LARGE1: variants seen among roughly 807,000 people sequenced by gnomAD.
LARGE1 encodes the protein xylosyl- and glucuronyltransferase LARGE1.
In LARGE1, 43 loss-of-function variants were observed where a neutral mutation model predicts 87.6. The observed-to-expected ratio is 0.49, with a 90% CI of 0.38 to 0.63. LARGE1 has a LOEUF of 0.63. LARGE1 is among the 30% of genes least tolerant of loss of function. LARGE1 has a pLI of 0.00. For missense variants in LARGE1, 802 were observed against 1,000.2 expected (o/e 0.80, Z 2.67); for synonymous variants, 434 against 394.6 (o/e 1.10, Z -1.18).
intron 6 of LARGE1, among the ~76,000 whole-genome samples, chr22:33,489,884 A>G (rs1433634971): frequency 6.6e-6 from 1 of 152,212 alleles, no homozygotes; most frequent in Non-Finnish European, 1.5e-5. Context: ...TGCTAAGTGG[A>G]CATGAACAAG....
intron 1 of LARGE1, among the ~76,000 whole-genome samples, chr22:33,839,617 A>G (rs1025750258): frequency 6.6e-6 from 1 of 152,228 alleles, no homozygotes; most frequent in Non-Finnish European, 1.5e-5. Context: ...TATAGATCAC[A>G]AAAACAGAAC....
chr22:33,871,481 T>C (rs2064278969), intron 1 of LARGE1, among the ~76,000 whole-genome samples: 2 of 152,134 alleles, frequency 1.3e-5, no homozygotes, highest in Admixed American at 6.5e-5. Context: ...TCCAGGTAAG[T>C]ACCAGGACTA....
At chr22:33,243,054 C>G (rs1926593070) in intron 11 of LARGE1, among the ~76,000 whole-genome samples, 1 of 152,162 alleles carries the variant, frequency 6.6e-6, no homozygotes, top group Non-Finnish European at 1.5e-5. Flanking sequence ...CTCATCTAAA[C>G]TCATCTAATT....
intron 6 of LARGE1, among the ~76,000 whole-genome samples, chr22:33,507,189 T>G (rs552822322): frequency 1.3e-5 from 2 of 152,244 alleles, no homozygotes; most frequent in South Asian, 4.1e-4. Flanking sequence ...ATCCCAGGCA[T>G]AGGGACCAGC....
chr22:33,123,661 A>G, the LARGE1 span, among the ~76,000 whole-genome samples: 1 of 152,256 alleles, frequency 6.6e-6, no homozygotes, highest in African/African-American at 2.4e-5. Flanking sequence ...GAGCAATGAA[A>G]GCATCTTAGT....
At chr22:33,451,967 G>C (rs1343250978) in intron 6 of LARGE1, among the ~76,000 whole-genome samples, 1 of 152,140 alleles carries the variant, frequency 6.6e-6, no homozygotes, top group Non-Finnish European at 1.5e-5. Flanking sequence ...TGAGACTAAT[G>C]GTCTCCAATT....
intron 6 of LARGE1, among the ~76,000 whole-genome samples, chr22:33,550,022 G>T (rs1381748190): frequency 2.0e-5 from 3 of 152,016 alleles, no homozygotes; most frequent in Non-Finnish European, 1.5e-5. Flanking sequence ...GGGAGGGTTA[G>T]CATTAGGAGA....
intron 11 of LARGE1, among the ~76,000 whole-genome samples, chr22:33,224,771 G>A (rs1473492662): frequency 2.0e-5 from 3 of 152,200 alleles, no homozygotes; most frequent in Admixed American, 1.3e-4. Context: ...ACAAAAAGAT[G>A]CTGGTGTCTA....
intron 7 of LARGE1, among the ~76,000 whole-genome samples, chr22:33,413,873 C>A (rs2066396892): frequency 6.6e-6 from 1 of 152,154 alleles, no homozygotes; most frequent in Non-Finnish European, 1.5e-5. Flanking sequence ...GGCAAGATTT[C>A]CTTCTTTTTA....
chr22:33,862,096 A>G (rs1408352213), intron 1 of LARGE1, among the ~76,000 whole-genome samples: 1 of 151,870 alleles, frequency 6.6e-6, no homozygotes, highest in East Asian at 1.9e-4. Context: ...CCTGACCTCA[A>G]ATGATCCACC....
At chr22:33,501,234 T>C (rs1014349951) in intron 6 of LARGE1, among the ~76,000 whole-genome samples, 1 of 152,186 alleles carries the variant, frequency 6.6e-6, no homozygotes, top group Non-Finnish European at 1.5e-5. Context: ...CTTGTCACCA[T>C]CTGTAAAAGT....
rs143987312 is a variant in LARGE1 at position 33,716,752 on chromosome 22, A to G, written c.106+44619T>C. Reference sequence around the variant, plus strand: ...TTATGTGTCACTTGCTGTAAATACAAGACATGGAGCCAGAGTGTGTTAGTA... The same window carrying G: ...TTATGTGTCACTTGCTGTAAATACAGGACATGGAGCCAGAGTGTGTTAGTA... On this transcript the variant is annotated intron_variant, in intron 2 of 14. Transcript: ENST00000397394. Among the ~76,000 whole-genome samples the G allele has an allele frequency of 4.5e-4, 68 of 152,350 alleles. 1 individual carries two copies. The highest frequency in any genetic ancestry group is 1.5e-3 in the African/African-American group (64 of 41,580).
At chr22:33,455,566 A>G in intron 6 of LARGE1, among the ~76,000 whole-genome samples, 1 of 152,064 alleles carries the variant, frequency 6.6e-6, no homozygotes, top group Non-Finnish European at 1.5e-5. Context: ...CAGCATGGCC[A>G]ACATAGTGAA....
At chr22:33,608,553 C>G (rs1227000579) in intron 4 of LARGE1, among the ~76,000 whole-genome samples, 1 of 152,216 alleles carries the variant, frequency 6.6e-6, no homozygotes, top group Non-Finnish European at 1.5e-5. Context: ...TGTGAGACCA[C>G]AGACGACAGA....
chr22:33,502,398 T>G (rs2070495565), intron 6 of LARGE1, among the ~76,000 whole-genome samples: 1 of 151,950 alleles, frequency 6.6e-6, no homozygotes, highest in Non-Finnish European at 1.5e-5. Context: ...GGAGAATTAT[T>G]TGCTCTGAAA....
chr22:33,275,548 C>G (rs1407028038), intron 14 of LARGE1, among the ~76,000 whole-genome samples: 1 of 152,108 alleles, frequency 6.6e-6, no homozygotes, highest in Admixed American at 6.5e-5. Context: ...AATGCAAGAT[C>G]TCCCAGAGCT....
chr22:33,449,446 T>C (rs1357784905), intron 6 of LARGE1, among the ~76,000 whole-genome samples: 1 of 152,188 alleles, frequency 6.6e-6, no homozygotes, highest in Non-Finnish European at 1.5e-5. Context: ...CAATGGAGAA[T>C]CCACAGGTGT....
intron 6 of LARGE1, among the ~76,000 whole-genome samples, chr22:33,434,728 G>C (rs2067203016): frequency 6.6e-6 from 1 of 152,080 alleles, no homozygotes; most frequent in Non-Finnish European, 1.5e-5. Flanking sequence ...TACTTCTTCA[G>C]ACAAATACTC....
chr22:33,323,292 T>C (rs1280236453), intron 10 of LARGE1, among the ~76,000 whole-genome samples: 1 of 152,262 alleles, frequency 6.6e-6, no homozygotes, highest in Non-Finnish European at 1.5e-5. Flanking sequence ...CTTTGCACCT[T>C]GATCCACCTA....
Sources: gnomAD v4.1 joint callset for allele counts (sites outside exome capture counted in the v4.1 genomes callset) on GRCh38, gnomAD v4.1.1 for gene constraint, MANE v1.5 for transcripts, NCBI Gene and HGNC (gene_info 2026-07-23, HGNC 2026-07-21) for gene names.